FRY: variants seen among roughly 807,000 people sequenced by gnomAD.
The protein encoded by FRY is FRY microtubule binding protein.
Under a neutral mutation model 348.4 loss-of-function variants are expected in FRY, and 128 were observed. The observed-to-expected ratio is 0.37, with a 90% CI of 0.32 to 0.43. The LOEUF is 0.43. Among genes scored for constraint, FRY ranks in the 20% least tolerant of loss-of-function variants. The probability of loss-of-function intolerance (pLI) is 1.00; values close to 1 mark genes in which losing one functional copy is unlikely to be tolerated. For missense variants in FRY, 2,736 were observed against 3,695.2 expected, an observed-to-expected ratio of 0.74 and a Z score of 6.73; for synonymous variants, 1,370 against 1,374.7, an observed-to-expected ratio of 1.00 and a Z score of 0.08.
At chr13:32,181,038 G>A (rs565158398) in intron 23 of FRY, among the ~76,000 whole-genome samples, 26 of 151,894 alleles carry the variant, frequency 1.7e-4, no homozygotes, top group African/African-American at 4.6e-4. Context: ...TTACAGGCAC[G>A]CACCACCACT....
intron 60 of FRY, among the ~76,000 whole-genome samples, chr13:32,294,861 G>A (rs563629550): frequency 1.3e-5 from 2 of 151,990 alleles, no homozygotes; most frequent in Non-Finnish European, 2.9e-5. Flanking sequence ...TTTTGGTTTT[G>A]CCCCTACATT....
In FRY at chr13:32,202,281, G is replaced by A. The variant is rs182883683; in HGVS notation, c.3847-75G>A. 5.9e-6 allele frequency: 7 copies of A among 1,180,818 alleles called. No homozygotes were observed. The African/African-American group carries it at 7.5e-5, about 13-fold the overall frequency. The allele number at this position is 1,180,818 out of a possible 1,614,324, so 73.1% of individuals were successfully genotyped here. A position where few individuals can be genotyped will look rare whatever the true frequency, so the allele number is the denominator to read the frequency against. ...ATTAATTTTGTTACTTCTAACCTTT[G>A]TTAAATACAAATGCTCATGAGATAT... is the stretch of plus-strand genomic sequence containing the variant. On this transcript the variant is annotated intron_variant, in intron 30 of 60. Coordinates refer to ENST00000542859, the MANE Select transcript of FRY (RefSeq NM_023037.3).
chr13:32,123,161 G>A (rs2762040), intron 4 of FRY, among the ~76,000 whole-genome samples: 68,863 of 151,682 alleles, frequency 0.45, 16,275 homozygotes, highest in South Asian at 0.65. Flanking sequence ...AAATACCACC[G>A]TCATTCTTCA....
chr13:32,073,465 A>C (rs1874806287), intron 1 of FRY, among the ~76,000 whole-genome samples: 1 of 152,098 alleles, frequency 6.6e-6, no homozygotes, highest in Non-Finnish European at 1.5e-5. Flanking sequence ...CCCTCTAGCC[A>C]CTTACTCTGT....
At position 32,298,469 on chromosome 13, in the gene FRY, A is replaced by T. The variant is rs2072098020; in HGVS notation, c.*3009A>T. 6.6e-6 allele frequency: 1 copy of T among 152,268 alleles called. No individual in the cohort carries two copies. Among genetic ancestry groups the T allele is most frequent in the African/African-American group, 2.4e-5 (1 of 41,468 alleles). 9.4% of individuals were successfully genotyped at this position (152,268 alleles called of 1,614,324 possible). Reference sequence around the variant, plus strand: ...TCTTTGTTCAGCAAATATTTATTGCATGCCCACTCTGGGCTAGGCACTGTT... The same window carrying T: ...TCTTTGTTCAGCAAATATTTATTGCTTGCCCACTCTGGGCTAGGCACTGTT... On this transcript the variant is annotated 3_prime_UTR_variant, in exon 61 of 61. Transcript: ENST00000542859.
At chr13:32,125,631 A>G (rs1371072263) in intron 7 of FRY, among the ~76,000 whole-genome samples, 1 of 152,212 alleles carries the variant, frequency 6.6e-6, no homozygotes, top group Non-Finnish European at 1.5e-5. Flanking sequence ...TTTTATCTTC[A>G]AGGGATTGAA....
chr13:32,142,343 C>T (rs1880125393), intron 11 of FRY, among the ~76,000 whole-genome samples: 1 of 152,190 alleles, frequency 6.6e-6, no homozygotes, highest in Admixed American at 6.5e-5. Flanking sequence ...CTAGAATCTA[C>T]TCCATACATT....
Position 32,224,954 on chromosome 13 carries a change from T to C in FRY, c.4938T>C (p.Phe1646=). 6.2e-7 allele frequency: 1 copy of C among 1,608,002 alleles called. No homozygotes were observed. The highest frequency in any genetic ancestry group is 8.5e-7 in the Non-Finnish European group (1 of 1,174,348). ...TTAGGTGCAATATTGCTGTAATTTT[T>C]ATGACTGAAATGGTGGTGGATCACA... The part of the protein sequence containing the change: ...PLHRCNIAVI[F]MTEMVVDHSV... Residue 1646 remains phenylalanine (F), a synonymous_variant, in exon 38 of 61, where the codon TTT becomes TTC. Coordinates refer to ENST00000542859, the MANE Select transcript of FRY (RefSeq NM_023037.3).
At chr13:32,172,725 A>G (rs979052585) in intron 18 of FRY, among the ~76,000 whole-genome samples, 5 of 152,196 alleles carry the variant, frequency 3.3e-5, no homozygotes, top group African/African-American at 1.2e-4. Flanking sequence ...AACCCCAGAG[A>G]TGACATTCAG....
chr13:32,080,160 T>G (rs186008982), intron 2 of FRY, among the ~76,000 whole-genome samples: 1 of 152,376 alleles, frequency 6.6e-6, no homozygotes, highest in Non-Finnish European at 1.5e-5. Context: ...CATAAAGTTC[T>G]CTTCATTTAT....
At chr13:32,244,998 G>A (rs1445620784) in intron 47 of FRY, among the ~76,000 whole-genome samples, 1 of 151,968 alleles carries the variant, frequency 6.6e-6, no homozygotes, top group Non-Finnish European at 1.5e-5. Flanking sequence ...TGTCCAGGCT[G>A]GAGTGCAGTG....
chr13:32,268,495 AAAAAAAAAAAAT>A (rs1472762414), intron 55 of FRY, among the ~76,000 whole-genome samples: 2 of 15,162 alleles, frequency 1.3e-4, no homozygotes, highest in African/African-American at 3.5e-4. Context: ...TTAAAAAAAA[AAAAAAAAAAAAT>A]ATATATATAT....
Position 32,202,523 on chromosome 13 carries a change from C to A in FRY, c.4014C>A (p.Phe1338Leu). The change falls in exon 31 of 61, where the codon TTC (phenylalanine) becomes TTA (leucine). Residue 1338 changes from phenylalanine (F) to leucine (L), a missense_variant. Physicochemically the swap from Phe to Leu is conservative, Grantham distance 22. Around this residue, in one of 9 missense-constraint regions of FRY, gnomAD observed 794 missense variants for 977.0 expected, o/e 0.81. Transcript: ENST00000542859. The stretch of plus-strand genomic sequence containing the variant: ...ACCCTGAGCTCACACTCCCCCTCTT[C>A]TCAGGTACCAGGCAATAGTCAATAA... ...RMYPELTLPL[F>L]SEVSQRFPTT... The A allele has an allele frequency of 6.2e-7, 1 of 1,612,312 alleles. No individual in the cohort carries two copies. The highest frequency in any genetic ancestry group is 8.5e-7 in the Non-Finnish European group (1 of 1,178,352).
At chr13:32,089,236 A>AT (rs1366122994) in intron 2 of FRY, among the ~76,000 whole-genome samples, 1 of 152,110 alleles carries the variant, frequency 6.6e-6, no homozygotes, top group Non-Finnish European at 1.5e-5. Context: ...TTTATTAGGT[A>AT]TTTTTACTGT....
At chr13:32,050,385 T>C (rs1593560457) in intron 1 of FRY, among the ~76,000 whole-genome samples, 2 of 152,132 alleles carry the variant, frequency 1.3e-5, no homozygotes, top group South Asian at 4.1e-4. Flanking sequence ...AGAAACAAGT[T>C]CAAGATGATC....
chr13:32,053,099 C>A (rs1253632689), intron 1 of FRY, among the ~76,000 whole-genome samples: 1 of 151,082 alleles, frequency 6.6e-6, no homozygotes, highest in African/African-American at 2.4e-5. Flanking sequence ...GAAAACAGAG[C>A]GAGACTCCAT....
chr13:32,155,358 C>G (rs1264942068), intron 14 of FRY, 133 bp from the exon 15 acceptor site: 7 of 729,984 alleles, frequency 9.6e-6, no homozygotes, highest in African/African-American at 8.7e-5. Flanking sequence ...GCTCTACACT[C>G]TTGTGGCTTT....
intron 1 of FRY, among the ~76,000 whole-genome samples, chr13:32,044,130 GT>G (rs1166558720): frequency 1.3e-5 from 2 of 152,158 alleles, no homozygotes; most frequent in African/African-American, 4.8e-5. Context: ...AAATTAACAA[GT>G]TCAATATTTA....
rs768653811 is a variant in FRY, at chr13:32,267,202, C to G, written c.7979C>G (p.Pro2660Arg). The change falls in exon 55 of 61, where the codon CCT becomes CGT. Residue 2660 changes from proline (P) to arginine (R), a missense_variant. Physicochemically the swap from Pro to Arg is moderately radical, Grantham distance 103. Around this residue, in one of 9 missense-constraint regions of FRY, gnomAD observed 789 missense variants for 996.2 expected, o/e 0.79. Transcript: ENST00000542859. Reference protein sequence around the residue: ...FGEGDRGVSPPPSPFFSAILA... With the variant: ...FGEGDRGVSPRPSPFFSAILA... ...GAAGGTGACAGGGGAGTCTCTCCCC[C>G]TCCCTCGCCCTTCTTCTCAGCCATC... 4.3e-6 allele frequency: 7 copies of G among 1,614,074 alleles called. No individual in the cohort carries two copies. Among genetic ancestry groups the G allele is most frequent in the Admixed American group, 1.7e-5 (1 of 60,008 alleles).
Sources: gnomAD v4.1 joint callset for allele counts (sites outside exome capture counted in the v4.1 genomes callset) on GRCh38, gnomAD v4.1.1 for gene constraint, gnomAD v4.1.1 regional missense constraint, MANE v1.5 for transcripts, NCBI Gene and HGNC (gene_info 2026-07-23, HGNC 2026-07-21) for gene names.